The following GNAL variants were observed in gnomAD, a reference collection of about 807,000 sequenced individuals.
The protein encoded by GNAL is G protein subunit alpha L.
A neutral mutation model predicts 55.1 loss-of-function variants in GNAL; 18 were observed. The observed-to-expected ratio is 0.33, with a 90% CI of 0.23 to 0.48. The LOEUF (loss-of-function observed/expected upper bound fraction) is 0.48. Among genes scored for constraint, GNAL ranks in the 20% least tolerant of loss-of-function variants. GNAL has a pLI of 0.99. For synonymous variants in GNAL, 253 were observed against 237.0 expected, an observed-to-expected ratio of 1.07 and a Z score of -0.62; for missense variants, 412 against 614.1, an observed-to-expected ratio of 0.67 and a Z score of 3.48.
At position 11,884,263 on chromosome 18, in the gene GNAL, T is replaced by A; in HGVS notation, c.*3128T>A. On this transcript the variant is annotated 3_prime_UTR_variant, in exon 12 of 12. Transcript: ENST00000334049. ...TTTGTTGTAGAGTACCTGTCCACTTTTATAGCATGAGAACAGTACAATCAA... is the reference window on the plus strand; with the variant it reads ...TTTGTTGTAGAGTACCTGTCCACTTATATAGCATGAGAACAGTACAATCAA... 1 of 605,662 alleles carries A rather than the reference T, an allele frequency of 1.7e-6. No homozygotes were observed. Among genetic ancestry groups the A allele is most frequent in the Non-Finnish European group, 2.9e-6 (1 of 345,816 alleles). 37.5% of individuals were successfully genotyped at this position (605,662 alleles called of 1,614,324 possible). A position where few individuals can be genotyped will look rare whatever the true frequency, so the allele number is the denominator to read the frequency against.
chr18:11,821,670 A>G (rs2035093657), intron 4 of GNAL, among the ~76,000 whole-genome samples: 1 of 152,228 alleles, frequency 6.6e-6, no homozygotes, highest in Admixed American at 6.5e-5. Context: ...GGGGGCGCTG[A>G]GGATCCCAGC....
intron 4 of GNAL, among the ~76,000 whole-genome samples, chr18:11,787,735 A>G (rs375365429): frequency 7.2e-5 from 11 of 152,202 alleles, no homozygotes; most frequent in African/African-American, 2.6e-4. Context: ...TTAGCCAGGC[A>G]TGGTGGCGGG....
chr18:11,717,549 T>C (rs9960897), intron 1 of GNAL, among the ~76,000 whole-genome samples: 1,979 of 152,296 alleles, frequency 0.013, 40 homozygotes, highest in African/African-American at 0.045. Flanking sequence ...ACTAAATGTC[T>C]GTTGTGGTAG....
At chr18:11,854,950 A>C (rs2035969682) in intron 5 of GNAL, among the ~76,000 whole-genome samples, 4 of 152,034 alleles carry the variant, frequency 2.6e-5, no homozygotes, top group Non-Finnish European at 1.5e-5. Flanking sequence ...TTTGAGACGG[A>C]GTCTCACTGT....
intron 4 of GNAL, among the ~76,000 whole-genome samples, chr18:11,806,776 T>G (rs2034674325): frequency 6.6e-6 from 1 of 151,994 alleles, no homozygotes; most frequent in Non-Finnish European, 1.5e-5. Flanking sequence ...AGGGATAATT[T>G]GTTACACAGA....
chr18:11,776,553 T>G (rs1320714469), intron 4 of GNAL, among the ~76,000 whole-genome samples: 2 of 151,440 alleles, frequency 1.3e-5, no homozygotes, highest in East Asian at 3.9e-4. Context: ...CAAAAAAATT[T>G]TAAAATTAAC....
At chr18:11,784,471 C>T (rs1440026892) in intron 4 of GNAL, among the ~76,000 whole-genome samples, 1 of 152,186 alleles carries the variant, frequency 6.6e-6, no homozygotes, top group Non-Finnish European at 1.5e-5. Context: ...CCAAAGCTGC[C>T]ACAAGCCTAA....
chr18:11,842,632 A>C (rs747462025), intron 5 of GNAL, among the ~76,000 whole-genome samples: 1 of 152,014 alleles, frequency 6.6e-6, no homozygotes, highest in Admixed American at 6.6e-5. Flanking sequence ...AGTTTACAAT[A>C]GGGTTCGTGC....
At chr18:11,791,575 C>A (rs1310739746) in intron 4 of GNAL, among the ~76,000 whole-genome samples, 1 of 152,162 alleles carries the variant, frequency 6.6e-6, no homozygotes, top group Non-Finnish European at 1.5e-5. Flanking sequence ...CAACTCCACA[C>A]TATCTTAATA....
intron 5 of GNAL, chr18:11,851,612 C>T (rs933590082): frequency 6.2e-7 from 1 of 1,613,756 alleles, no homozygotes; most frequent in Non-Finnish European, 8.5e-7. Flanking sequence ...GCCGAAAAGG[C>T]CAAAATTAAA....
intron 1 of GNAL, chr18:11,746,212 A>G: frequency 1.9e-6 from 1 of 531,254 alleles, no homozygotes; most frequent in Non-Finnish European, 3.7e-6. Flanking sequence ...CACTGTAGGT[A>G]CAACCTCTGC....
At chr18:11,732,868 A>G (rs2032370262) in intron 1 of GNAL, among the ~76,000 whole-genome samples, 1 of 152,270 alleles carries the variant, frequency 6.6e-6, no homozygotes, top group Non-Finnish European at 1.5e-5. Flanking sequence ...GCAGAAGCAC[A>G]GGGAAATTCA....
chr18:11,692,201 A>G (rs553247992), intron 1 of GNAL, among the ~76,000 whole-genome samples: 95 of 152,334 alleles, frequency 6.2e-4, no homozygotes, highest in African/African-American at 2.2e-3. Flanking sequence ...CCGCTTATAA[A>G]TGAATGCAAC....
chr18:11,805,274 G>A (rs992737254), intron 4 of GNAL, among the ~76,000 whole-genome samples: 1 of 152,002 alleles, frequency 6.6e-6, no homozygotes, highest in Non-Finnish European at 1.5e-5. Flanking sequence ...GAGATATTGT[G>A]TAGTGGTGAA....
chr18:11,722,478 T>A (rs1031700121), intron 1 of GNAL, among the ~76,000 whole-genome samples: 2 of 152,238 alleles, frequency 1.3e-5, no homozygotes, highest in Admixed American at 6.5e-5. Context: ...CCATGTAATT[T>A]GTTAGCAAAT....
chr18:11,804,721 C>T (rs1465646638), intron 4 of GNAL, among the ~76,000 whole-genome samples: 1 of 131,006 alleles, frequency 7.6e-6, no homozygotes, highest in Admixed American at 7.1e-5. Flanking sequence ...AGTACAGGAG[C>T]GGTTTGAGTG....
intron 4 of GNAL, among the ~76,000 whole-genome samples, chr18:11,783,521 CT>C (rs1202576335): frequency 6.6e-6 from 1 of 152,206 alleles, no homozygotes; most frequent in South Asian, 2.1e-4. Context: ...CATCACTACA[CT>C]TAACTGTGGT....
chr18:11,857,432 G>A (rs887140147), intron 5 of GNAL: 118 of 956,042 alleles, frequency 1.2e-4, no homozygotes, highest in Non-Finnish European at 1.4e-4. Flanking sequence ...GAGGGTTCAC[G>A]TGATGTTAAA....
intron 4 of GNAL, among the ~76,000 whole-genome samples, chr18:11,789,625 T>C (rs1480683179): frequency 6.6e-6 from 1 of 152,236 alleles, no homozygotes; most frequent in African/African-American, 2.4e-5. Context: ...ATAAACAAAA[T>C]GTACTTTAAG....
Sources: allele counts gnomAD v4.1 joint callset (sites outside exome capture counted in the v4.1 genomes callset), GRCh38; gene constraint gnomAD v4.1.1; transcripts MANE v1.5; gene names NCBI Gene and HGNC (gene_info 2026-07-23, HGNC 2026-07-21).